GFOD1: variants seen among roughly 807,000 people sequenced by gnomAD.
The protein encoded by GFOD1 is Gfo/Idh/MocA-like oxidoreductase domain containing 1.
A neutral mutation model predicts 25.4 loss-of-function variants in GFOD1; 9 were observed. The ratio of observed to expected loss-of-function variants is 0.35; its 90% CI spans 0.21 to 0.62. The LOEUF is 0.62. Ranked by LOEUF, GFOD1 falls within the 20% of genes least tolerant of loss-of-function variation. GFOD1 has a pLI of 0.72. For missense variants in GFOD1, 403 were observed against 556.9 expected, an observed-to-expected ratio of 0.72 and a Z score of 2.78; for synonymous variants, 253 against 245.6, an observed-to-expected ratio of 1.03 and a Z score of -0.28.
intron 1 of GFOD1, among the ~76,000 whole-genome samples, chr6:13,368,844 G>A (rs1351994265): frequency 6.6e-6 from 1 of 152,124 alleles, no homozygotes; most frequent in East Asian, 1.9e-4. Context: ...TTTGATGAAA[G>A]CTCCAGAAGA....
chr6:13,469,840 G>C, intron 1 of GFOD1: 1 of 1,153,914 alleles, frequency 8.7e-7, no homozygotes, highest in Non-Finnish European at 1.2e-6. Context: ...TTGGAGGTTG[G>C]CCATGAGACG....
chr6:13,438,557 T>G (rs1351677010), intron 1 of GFOD1, among the ~76,000 whole-genome samples: 2 of 152,076 alleles, frequency 1.3e-5, no homozygotes, highest in African/African-American at 4.8e-5. Flanking sequence ...GTCTCTCAAT[T>G]AGTAATATAT....
intron 1 of GFOD1, among the ~76,000 whole-genome samples, chr6:13,436,302 C>T (rs970614036): frequency 7.9e-5 from 12 of 152,188 alleles, no homozygotes; most frequent in African/African-American, 2.9e-4. Context: ...AAGTCTAACA[C>T]TACAGTAGGA....
intron 1 of GFOD1, among the ~76,000 whole-genome samples, chr6:13,417,572 C>T (rs964949779): frequency 2.0e-5 from 3 of 152,194 alleles, no homozygotes; most frequent in African/African-American, 7.2e-5. Context: ...GACCCAAAGT[C>T]CTAGTGCTAT....
At chr6:13,486,603 G>A (rs778701513) in intron 1 of GFOD1, 35 bp downstream of exon 1, 1 of 1,584,004 alleles carries the variant, frequency 6.3e-7, no homozygotes, top group Non-Finnish European at 8.7e-7. Flanking sequence ...AAAGGGCGGG[G>A]GTGGGACGGA....
At chr6:13,401,356 G>C (rs896898774) in intron 1 of GFOD1, among the ~76,000 whole-genome samples, 2 of 151,906 alleles carry the variant, frequency 1.3e-5, no homozygotes, top group South Asian at 2.1e-4. Context: ...TGTAGCAGAT[G>C]AGAGCAGGGA....
In GFOD1 at chr6:13,391,368, G is replaced by A. The variant is rs1487315865; in HGVS notation, c.254-25706C>T. On this transcript the variant is annotated intron_variant, in intron 1 of 1. Coordinates refer to ENST00000379287, the MANE Select transcript of GFOD1 (RefSeq NM_018988.4). ...TAAAAATTAGCTGGGCGCAGTGGTG[G>A]GCGCCTGTAATCCCAGCTACTCGGG... Among the ~76,000 whole-genome samples, 7 of 151,990 alleles carry A rather than the reference G, an allele frequency of 4.6e-5. No individual in the cohort carries two copies. In the East Asian group the frequency reaches 7.8e-4, roughly 17 times the overall value.
chr6:13,448,979 G>A (rs1307035001), intron 1 of GFOD1, among the ~76,000 whole-genome samples: 1 of 152,176 alleles, frequency 6.6e-6, no homozygotes, highest in African/African-American at 2.4e-5. Flanking sequence ...CAGGGCAACT[G>A]CAAGAAGAAG....
At chr6:13,384,832 T>C (rs1428998909) in intron 1 of GFOD1, among the ~76,000 whole-genome samples, 4 of 152,222 alleles carry the variant, frequency 2.6e-5, no homozygotes, top group South Asian at 2.1e-4. Context: ...CAAATGAAGA[T>C]AGAAAATTTA....
At chr6:13,404,487 C>T (rs1785909900) in intron 1 of GFOD1, among the ~76,000 whole-genome samples, 1 of 152,206 alleles carries the variant, frequency 6.6e-6, no homozygotes. Flanking sequence ...AACCTCAGTT[C>T]TGCTGCTTTT....
chr6:13,486,977 C>G lies in GFOD1; in HGVS notation c.-87G>C, dbSNP rs1200542042. 2.0e-6 allele frequency: 3 copies of G among 1,476,180 alleles called. No homozygotes were observed. The highest frequency in any genetic ancestry group is 4.0e-5 in the Admixed American group (2 of 50,402). The allele number at this position is 1,476,180 out of a possible 1,614,324, so 91.4% of individuals were successfully genotyped here. A position where few individuals can be genotyped will look rare whatever the true frequency, so the allele number is the denominator to read the frequency against. ...CCCACCTCTAGCCAGTCCTGCACCC[C>G]GCTCCTGTAGCCAATCTAGCCGCGG... On this transcript the variant is annotated 5_prime_UTR_variant, in exon 1 of 2. Coordinates refer to ENST00000379287, the MANE Select transcript of GFOD1 (RefSeq NM_018988.4).
chr6:13,461,553 C>T (rs1307428128), intron 1 of GFOD1, among the ~76,000 whole-genome samples: 2 of 152,158 alleles, frequency 1.3e-5, no homozygotes, highest in East Asian at 1.9e-4. Context: ...TCAGCTCATA[C>T]CTTCCACCCT....
At chr6:13,444,384 G>C (rs1467328665) in intron 1 of GFOD1, among the ~76,000 whole-genome samples, 1 of 140,906 alleles carries the variant, frequency 7.1e-6, no homozygotes, top group South Asian at 2.2e-4. Context: ...AGGAGGGAGA[G>C]AAGCAAAAAA....
intron 1 of GFOD1, among the ~76,000 whole-genome samples, chr6:13,451,702 T>C (rs1758102059): frequency 1.3e-5 from 2 of 152,114 alleles, no homozygotes; most frequent in African/African-American, 4.8e-5. Context: ...AAGTCAGCAA[T>C]TGCAGAAGGT....
At chr6:13,424,683 A>C (rs979399833) in intron 1 of GFOD1, among the ~76,000 whole-genome samples, 3 of 152,190 alleles carry the variant, frequency 2.0e-5, no homozygotes, top group Non-Finnish European at 2.9e-5. Context: ...AAATGCAAAA[A>C]TATTAATAGT....
At chr6:13,380,709 G>C (rs1785347072) in intron 1 of GFOD1, among the ~76,000 whole-genome samples, 1 of 152,146 alleles carries the variant, frequency 6.6e-6, no homozygotes, top group South Asian at 2.1e-4. Context: ...GCTATGCAAG[G>C]CTGTAGATTA....
At position 13,364,322 on chromosome 6, in the gene GFOD1, C is replaced by T. The variant is rs939617078; in HGVS notation, c.*421G>A. 2.2e-5 allele frequency: 4 copies of T among 180,680 alleles called. No homozygotes were observed. The highest frequency in any genetic ancestry group is 3.5e-5 in the Non-Finnish European group (3 of 85,236). 11.2% of individuals were successfully genotyped at this position (180,680 alleles called of 1,614,324 possible). A position where few individuals can be genotyped will look rare whatever the true frequency, so the allele number is the denominator to read the frequency against. On this transcript the variant is annotated 3_prime_UTR_variant, in exon 2 of 2. Transcript: ENST00000379287. This position sits in a 1 kb window ranked among gnomAD's most constrained non-coding sequence, Gnocchi z 4.1. ...CTTCTCCTGCCAGCAGTGGGTATCC[C>T]GGGCACTGAGCTTGCCATCTGATAC...
Position 13,430,066 on chromosome 6 carries a change from A to T in GFOD1, c.253+56572T>A, listed in dbSNP as rs1223745760. Among the ~76,000 whole-genome samples the T allele has an allele frequency of 6.6e-6, 1 of 152,170 alleles. No homozygotes were observed. The highest frequency in any genetic ancestry group is 2.4e-5 in the African/African-American group (1 of 41,444). On this transcript the variant is annotated intron_variant, in intron 1 of 1. Coordinates refer to ENST00000379287, the MANE Select transcript of GFOD1 (RefSeq NM_018988.4). This position sits in a 1 kb window ranked among gnomAD's most constrained non-coding sequence, Gnocchi z 4.1. ...AAAAATATGCAGTGGAAATGGCACC[A>T]TGTCACTTCCAAGGGTCAGCTATAA...
At chr6:13,383,825 C>A (rs905199664) in intron 1 of GFOD1, among the ~76,000 whole-genome samples, 1 of 152,220 alleles carries the variant, frequency 6.6e-6, no homozygotes, top group Non-Finnish European at 1.5e-5. Flanking sequence ...CACTTTTGGT[C>A]TGGTACTGCT....
Sources: gnomAD v4.1 joint callset for allele counts (sites outside exome capture counted in the v4.1 genomes callset) on GRCh38, gnomAD v4.1.1 for gene constraint, Gnocchi (gnomAD v3.1) non-coding constraint, MANE v1.5 for transcripts, NCBI Gene and HGNC (gene_info 2026-07-23, HGNC 2026-07-21) for gene names.